The following COL13A1 variants were observed in gnomAD, a reference collection of about 807,000 sequenced individuals.
COL13A1 encodes collagen alpha-1(XIII) chain.
Under a neutral mutation model 130.9 loss-of-function variants are expected in COL13A1, and 89 were observed. That is an observed-to-expected ratio of 0.68 (90% confidence interval 0.57 to 0.81). The LOEUF (loss-of-function observed/expected upper bound fraction) is 0.81, where lower values mean the gene tolerates loss of function less well. Among genes scored for constraint, COL13A1 ranks in the 30% least tolerant of loss-of-function variants. The pLI, the probability that COL13A1 is intolerant of heterozygous loss-of-function variation, is 0.00. For missense variants in COL13A1, 879 were observed against 934.6 expected, an observed-to-expected ratio of 0.94 and a Z score of 0.78; for synonymous variants, 402 against 341.6, an observed-to-expected ratio of 1.18 and a Z score of -1.95.
chr10:69,855,536 T>C (rs183111189), intron 2 of COL13A1, among the ~76,000 whole-genome samples: 50 of 152,362 alleles, frequency 3.3e-4, no homozygotes, highest in African/African-American at 1.0e-3. Flanking sequence ...AGTAATTAGC[T>C]AATTACTAAT....
intron 2 of COL13A1, among the ~76,000 whole-genome samples, chr10:69,838,433 C>T (rs1850679386): frequency 6.6e-6 from 1 of 152,214 alleles, no homozygotes; most frequent in South Asian, 2.1e-4. Context: ...AGATAGGGAT[C>T]ATGACAACCT....
Position 69,872,186 on chromosome 10 carries a change from T to A in COL13A1, c.375T>A (p.Gly125=). The A allele has an allele frequency of 6.2e-7, 1 of 1,614,036 alleles. No homozygotes were observed. The highest frequency in any genetic ancestry group is 8.5e-7 in the Non-Finnish European group (1 of 1,179,884). The change falls in exon 4 of 41, where the codon GGT becomes GGA. Residue 125 remains glycine, a splice_region_variant and synonymous_variant. Coordinates refer to ENST00000645393, the MANE Select transcript of COL13A1 (RefSeq NM_001368882.1). ...GTAAACGTCACTCTTCATTTCAGGGTCCCACTGGAAGACCCGGACTCCCAG... is the reference window on the plus strand; with the variant it reads ...GTAAACGTCACTCTTCATTTCAGGGACCCACTGGAAGACCCGGACTCCCAG... ...PGCNCPPGPP[G]PTGRPGLPGD...
chr10:69,810,373 AG>A (rs1795886554), intron 1 of COL13A1, among the ~76,000 whole-genome samples: 4 of 151,230 alleles, frequency 2.6e-5, no homozygotes, highest in African/African-American at 9.7e-5. Flanking sequence ...AGAGAGAGAG[AG>A]AGAGAGACAG....
intron 28 of COL13A1, 48 bp from the exon 29 acceptor site, chr10:69,929,992 GGCT>G: frequency 6.5e-7 from 1 of 1,541,914 alleles, no homozygotes; most frequent in Non-Finnish European, 9.0e-7. Flanking sequence ...CGTAACTGAT[GGCT>G]GCTATGTTCT....
intron 21 of COL13A1, among the ~76,000 whole-genome samples, chr10:69,920,129 A>G (rs1244665051): frequency 1.3e-5 from 2 of 151,962 alleles, no homozygotes; most frequent in Non-Finnish European, 2.9e-5. Context: ...GCCCTCCACA[A>G]CCCCTCTTGG....
intron 2 of COL13A1, chr10:69,823,985 C>T (rs1846828117): frequency 2.4e-6 from 1 of 424,180 alleles, no homozygotes; most frequent in Non-Finnish European, 4.9e-6. Context: ...CCTTATAACT[C>T]TTGGGCAATG....
At chr10:69,895,715 A>T in intron 13 of COL13A1, 139 bp downstream of exon 13, 2 of 914,464 alleles carry the variant, frequency 2.2e-6, no homozygotes, top group East Asian at 5.1e-5. Context: ...CTCTGCACTC[A>T]GCAGTCAGAG....
At chr10:69,856,773 G>A (rs1265144453) in intron 2 of COL13A1, among the ~76,000 whole-genome samples, 1 of 152,210 alleles carries the variant, frequency 6.6e-6, no homozygotes, top group Non-Finnish European at 1.5e-5. Context: ...GCTGGGGGTG[G>A]AGCAGGAAGT....
At chr10:69,809,836 T>A (rs574533466) in intron 1 of COL13A1, among the ~76,000 whole-genome samples, 18 of 152,348 alleles carry the variant, frequency 1.2e-4, no homozygotes, top group South Asian at 6.2e-4. Context: ...GGGAAGCCCT[T>A]GTCCAGTCTT....
intron 30 of COL13A1, chr10:69,931,165 A>G (rs1468024895): frequency 2.2e-6 from 1 of 456,252 alleles, no homozygotes; most frequent in East Asian, 7.0e-5. Flanking sequence ...TGTAGGGTCT[A>G]GATGGCCCAA....
At chr10:69,907,457 A>T (rs1198185557) in intron 17 of COL13A1, among the ~76,000 whole-genome samples, 2 of 152,212 alleles carry the variant, frequency 1.3e-5, no homozygotes, top group Non-Finnish European at 2.9e-5. Context: ...CATGGTGGAC[A>T]GTGGAAGGGC....
At chr10:69,929,144 A>G in intron 28 of COL13A1, 145 bp downstream of exon 28, 1 of 604,038 alleles carries the variant, frequency 1.7e-6, no homozygotes, top group South Asian at 2.3e-5. Context: ...CCGCCCACCC[A>G]CCTCCCAGCT....
At chr10:69,893,466 G>A (rs2061375007) in intron 10 of COL13A1, among the ~76,000 whole-genome samples, 1 of 152,254 alleles carries the variant, frequency 6.6e-6, no homozygotes, top group Admixed American at 6.5e-5. Context: ...GAGTTTCCCA[G>A]TTTGGAGGTG....
chr10:69,889,703 C>T (rs1249353124), intron 10 of COL13A1, among the ~76,000 whole-genome samples: 1 of 149,230 alleles, frequency 6.7e-6, no homozygotes, highest in African/African-American at 2.4e-5. Flanking sequence ...ACACAGAGGT[C>T]GGTGTCCAGC....
intron 30 of COL13A1, chr10:69,931,052 G>A (rs2066050634): frequency 2.0e-5 from 8 of 392,250 alleles, no homozygotes; most frequent in South Asian, 1.5e-4. Flanking sequence ...TGCCATCCTA[G>A]ACACCTACCC....
chr10:69,916,269 C>T (rs571664609), intron 17 of COL13A1, among the ~76,000 whole-genome samples: 1 of 152,170 alleles, frequency 6.6e-6, no homozygotes, highest in African/African-American at 2.4e-5. Context: ...GCAGCTGGGC[C>T]GGGAGCAGGA....
At chr10:69,895,997 G>A (rs2061600224) in intron 13 of COL13A1, among the ~76,000 whole-genome samples, 1 of 152,086 alleles carries the variant, frequency 6.6e-6, no homozygotes, top group African/African-American at 2.4e-5. Flanking sequence ...TAGGGGGGTG[G>A]TGTCTGGCAG....
intron 1 of COL13A1, among the ~76,000 whole-genome samples, chr10:69,821,437 G>C (rs780908672): frequency 6.6e-6 from 1 of 152,184 alleles, no homozygotes; most frequent in Non-Finnish European, 1.5e-5. Context: ...TCCCTTACCT[G>C]TGACATGAAC....
intron 21 of COL13A1, among the ~76,000 whole-genome samples, chr10:69,921,116 C>A (rs1412817102): frequency 6.6e-6 from 1 of 152,138 alleles, no homozygotes; most frequent in East Asian, 1.9e-4. Context: ...AGTCCAAAAG[C>A]AAGGTGTTAG....
Sources: allele counts gnomAD v4.1 joint callset (sites outside exome capture counted in the v4.1 genomes callset), GRCh38; gene constraint gnomAD v4.1.1; transcripts MANE v1.5; gene names NCBI Gene and HGNC (gene_info 2026-07-23, HGNC 2026-07-21).